PRKG1: variants seen among roughly 807,000 people sequenced by gnomAD.
PRKG1 encodes cGMP-dependent protein kinase 1.
Under a neutral mutation model 88.1 loss-of-function variants are expected in PRKG1, and 35 were observed. That is an observed-to-expected ratio of 0.40 (90% confidence interval 0.30 to 0.53). The LOEUF (loss-of-function observed/expected upper bound fraction) is 0.53. Among genes scored for constraint, PRKG1 ranks in the 20% least tolerant of loss-of-function variants. PRKG1 has a pLI of 0.59. For synonymous variants in PRKG1, 303 were observed against 292.5 expected, an observed-to-expected ratio of 1.04 and a Z score of -0.37; for missense variants, 540 against 839.8, an observed-to-expected ratio of 0.64 and a Z score of 4.41.
chr10:51,028,963 C>T (rs1843243907), intron 1 of PRKG1, among the ~76,000 whole-genome samples: 1 of 152,078 alleles, frequency 6.6e-6, no homozygotes, highest in Non-Finnish European at 1.5e-5. Flanking sequence ...TAACCAATAG[C>T]TTAGTTAACA....
intron 2 of PRKG1, among the ~76,000 whole-genome samples, chr10:51,293,559 C>CT: frequency 6.6e-6 from 1 of 152,080 alleles, no homozygotes; most frequent in East Asian, 1.9e-4. Flanking sequence ...GGATTTCTTT[C>CT]TTTTTTAAGG....
chr10:51,071,994 C>G (rs938895692), upstream of PRKG1, among the ~76,000 whole-genome samples: 2 of 152,088 alleles, frequency 1.3e-5, no homozygotes, highest in Admixed American at 1.3e-4. Context: ...ATCAAGAGAT[C>G]GAGAACATCC....
chr10:51,440,194 C>T (rs1300994301), intron 2 of PRKG1, among the ~76,000 whole-genome samples: 1 of 140,802 alleles, frequency 7.1e-6, no homozygotes, highest in Admixed American at 7.1e-5. Context: ...CCAAATAGTG[C>T]AGTTTGATTT....
chr10:51,837,074 T>A (rs926358190), intron 4 of PRKG1, among the ~76,000 whole-genome samples: 2 of 152,182 alleles, frequency 1.3e-5, no homozygotes, highest in African/African-American at 4.8e-5. Context: ...GAAAATGCAA[T>A]TCTTCTCACT....
chr10:51,702,998 G>C (rs1204724377), intron 3 of PRKG1, among the ~76,000 whole-genome samples: 1 of 152,132 alleles, frequency 6.6e-6, no homozygotes, highest in Non-Finnish European at 1.5e-5. Flanking sequence ...CCTGGCCTCA[G>C]ACTGATTTTT....
intron 8 of PRKG1, among the ~76,000 whole-genome samples, chr10:52,141,237 G>A (rs1042039188): frequency 6.6e-6 from 1 of 152,108 alleles, no homozygotes; most frequent in Admixed American, 6.6e-5. Flanking sequence ...TTAATGATGT[G>A]GGTTGAATTA....
At chr10:51,335,714 A>G (rs1199774771) in intron 2 of PRKG1, among the ~76,000 whole-genome samples, 2 of 152,086 alleles carry the variant, frequency 1.3e-5, no homozygotes, top group Non-Finnish European at 2.9e-5. Context: ...TGTGATTTTT[A>G]GATATCTGCA....
At chr10:51,944,360 T>A (rs1842977105) in intron 5 of PRKG1, among the ~76,000 whole-genome samples, 1 of 152,074 alleles carries the variant, frequency 6.6e-6, no homozygotes, top group Non-Finnish European at 1.5e-5. Context: ...TCTTTATTAG[T>A]CTTGTTAGCA....
At chr10:51,551,832 G>C (rs1837144029) in intron 3 of PRKG1, among the ~76,000 whole-genome samples, 1 of 151,666 alleles carries the variant, frequency 6.6e-6, no homozygotes, top group Non-Finnish European at 1.5e-5. Context: ...TATCTCTATG[G>C]AGAAGACTAA....
At chr10:51,391,075 G>A (rs1371168506) in intron 2 of PRKG1, among the ~76,000 whole-genome samples, 4 of 152,188 alleles carry the variant, frequency 2.6e-5, no homozygotes, top group Non-Finnish European at 4.4e-5. Context: ...GGGAGAGGCT[G>A]TCCAAGATTG....
chr10:52,285,117 T>C (rs1204013918), intron 14 of PRKG1, among the ~76,000 whole-genome samples: 4 of 151,964 alleles, frequency 2.6e-5, no homozygotes, highest in Non-Finnish European at 4.4e-5. Context: ...CCTGCCCCTC[T>C]TACAACCCCA....
chr10:51,380,572 G>GTAATC (rs1837057031), intron 2 of PRKG1, among the ~76,000 whole-genome samples: 3 of 152,144 alleles, frequency 2.0e-5, no homozygotes, highest in African/African-American at 7.2e-5. Flanking sequence ...GACTGAGGCT[G>GTAATC]GCAGGTCACC....
chr10:52,055,884 C>T (rs1344186803), intron 6 of PRKG1, among the ~76,000 whole-genome samples: 1 of 152,116 alleles, frequency 6.6e-6, no homozygotes, highest in Non-Finnish European at 1.5e-5. Context: ...GAATAGAATG[C>T]AGTGGAAGAT....
At chr10:51,202,506 T>C (rs1276330309) in intron 2 of PRKG1, among the ~76,000 whole-genome samples, 2 of 152,146 alleles carry the variant, frequency 1.3e-5, no homozygotes, top group Admixed American at 1.3e-4. Flanking sequence ...TCTCAGGCTT[T>C]GCCTCAAGAA....
chr10:51,982,759 G>A (rs1448596806), intron 5 of PRKG1, among the ~76,000 whole-genome samples: 1 of 152,178 alleles, frequency 6.6e-6, no homozygotes, highest in Non-Finnish European at 1.5e-5. Context: ...GTTTTATAGT[G>A]CAGTGGCAGT....
intron 2 of PRKG1, among the ~76,000 whole-genome samples, chr10:51,197,534 A>G (rs1240164958): frequency 2.0e-5 from 3 of 151,980 alleles, no homozygotes; most frequent in African/African-American, 4.8e-5. Flanking sequence ...TCGGCCTCCC[A>G]AAGTGCTGGG....
intron 1 of PRKG1, among the ~76,000 whole-genome samples, chr10:51,058,730 C>T (rs1297839482): frequency 6.6e-6 from 1 of 152,118 alleles, no homozygotes; most frequent in Non-Finnish European, 1.5e-5. Flanking sequence ...ATTACCTACT[C>T]TAAGTTAGTG....
intron 3 of PRKG1, among the ~76,000 whole-genome samples, chr10:51,616,815 G>GT (rs2132254486): frequency 6.6e-6 from 1 of 152,256 alleles, no homozygotes; most frequent in Admixed American, 6.5e-5. Flanking sequence ...TGGAAGTATT[G>GT]TAAGTTGGTG....
At chr10:52,079,559 C>G (rs1490949104) in intron 7 of PRKG1, among the ~76,000 whole-genome samples, 1 of 152,070 alleles carries the variant, frequency 6.6e-6, no homozygotes, top group Non-Finnish European at 1.5e-5. Flanking sequence ...TGTGTCCTTC[C>G]TAGTAAAAGT....
Sources: allele counts gnomAD v4.1 joint callset (sites outside exome capture counted in the v4.1 genomes callset), GRCh38; gene constraint gnomAD v4.1.1; transcripts MANE v1.5; gene names NCBI Gene and HGNC (gene_info 2026-07-23, HGNC 2026-07-21).